Variants in PIK3C2G observed in about 807,000 individuals in gnomAD.
PIK3C2G encodes phosphatidylinositol 3-kinase C2 domain-containing subunit gamma.
Under a neutral mutation model 181.1 loss-of-function variants are expected in PIK3C2G, and 168 were observed. The observed-to-expected ratio is 0.93, with a 90% CI of 0.82 to 1.05. The LOEUF is 1.05. Ranked by LOEUF, PIK3C2G falls within the 50% of genes least tolerant of loss-of-function variation. The probability of loss-of-function intolerance (pLI) is 0.00; values close to 1 mark genes in which losing one functional copy is unlikely to be tolerated. For synonymous variants in PIK3C2G, 573 were observed against 592.2 expected (o/e 0.97, Z 0.47); for missense variants, 1,869 against 1,732.8 (o/e 1.08, Z -1.40).
intron 29 of PIK3C2G, among the ~76,000 whole-genome samples, chr12:18,579,810 G>C (rs1946405296): frequency 6.6e-6 from 1 of 152,008 alleles, no homozygotes; most frequent in South Asian, 2.1e-4. Context: ...TGGTGGAATT[G>C]TGTTGTGGAC....
the PIK3C2G span, among the ~76,000 whole-genome samples, chr12:18,675,859 T>C: frequency 3.4e-5 from 5 of 146,918 alleles, no homozygotes; most frequent in African/African-American, 1.2e-4. Flanking sequence ...CACTAGGGAC[T>C]CAAAAAGGGA....
At chr12:18,552,982 C>G (rs901129715) in intron 26 of PIK3C2G, among the ~76,000 whole-genome samples, 4 of 152,104 alleles carry the variant, frequency 2.6e-5, no homozygotes, top group African/African-American at 4.8e-5. Context: ...ATGTACCCAC[C>G]AAGAGTACCA....
chr12:18,269,332 T>G (rs962482841), intron 1 of PIK3C2G, among the ~76,000 whole-genome samples: 2 of 152,190 alleles, frequency 1.3e-5, no homozygotes, highest in African/African-American at 4.8e-5. Context: ...CCTATAATTT[T>G]TTTTTTGGTG....
the PIK3C2G span, among the ~76,000 whole-genome samples, chr12:18,669,151 A>T: frequency 6.6e-6 from 1 of 152,130 alleles, no homozygotes; most frequent in Non-Finnish European, 1.5e-5. Context: ...TATTTTCTTG[A>T]TTCCTCTGAT....
chr12:18,668,571 TG>T, the PIK3C2G span, among the ~76,000 whole-genome samples: 1 of 152,114 alleles, frequency 6.6e-6, no homozygotes, highest in Non-Finnish European at 1.5e-5. Context: ...TCATGCATGC[TG>T]GACCATCATC....
At chr12:18,423,604 G>GA in intron 17 of PIK3C2G, among the ~76,000 whole-genome samples, 1 of 151,996 alleles carries the variant, frequency 6.6e-6, no homozygotes, top group Non-Finnish European at 1.5e-5. Context: ...CTCCAAATAG[G>GA]AAAAAATATC....
At chr12:18,440,960 G>A (rs536631079) in intron 18 of PIK3C2G, among the ~76,000 whole-genome samples, 2 of 152,166 alleles carry the variant, frequency 1.3e-5, no homozygotes, top group South Asian at 2.1e-4. Context: ...AACAGAGAAG[G>A]TCATAGGAGA....
chr12:18,543,761 G>A (rs571605716), intron 25 of PIK3C2G, among the ~76,000 whole-genome samples: 1 of 151,846 alleles, frequency 6.6e-6, no homozygotes, highest in African/African-American at 2.4e-5. Context: ...GCCTATTTTT[G>A]TACCAGTACC....
At chr12:18,722,818 T>C in the PIK3C2G span, among the ~76,000 whole-genome samples, 3 of 152,072 alleles carry the variant, frequency 2.0e-5, no homozygotes, top group Non-Finnish European at 4.4e-5. Flanking sequence ...ATGTTGTAGA[T>C]AATTATATTT....
intron 10 of PIK3C2G, among the ~76,000 whole-genome samples, chr12:18,343,757 C>G (rs1055842492): frequency 1.3e-5 from 2 of 152,068 alleles, no homozygotes; most frequent in Non-Finnish European, 2.9e-5. Context: ...GCAAGGTCAT[C>G]CACTTCAAAT....
At chr12:18,687,782 G>A in the PIK3C2G span, among the ~76,000 whole-genome samples, 1 of 151,984 alleles carries the variant, frequency 6.6e-6, no homozygotes, top group Admixed American at 6.6e-5. Context: ...AAGTAGATTT[G>A]AGGCTGTTAA....
At chr12:18,268,697 C>T (rs966738832) in intron 1 of PIK3C2G, among the ~76,000 whole-genome samples, 3 of 152,134 alleles carry the variant, frequency 2.0e-5, no homozygotes, top group Non-Finnish European at 4.4e-5. Flanking sequence ...TCAAACAGTG[C>T]GTATTAGCCA....
In PIK3C2G at chr12:18,391,227, C is replaced by A; in HGVS notation, c.2101C>A (p.Leu701Ile). ...LKECIKHIARLSQKQTPLLLS... is the reference protein window; with the variant it reads ...LKECIKHIARISQKQTPLLLS... Reference sequence around the variant, plus strand: ...GGAGTGTATAAAACATATTGCCAGACTTTCACAGAAACAGACTCCCCTACT... The same window carrying A: ...GGAGTGTATAAAACATATTGCCAGAATTTCACAGAAACAGACTCCCCTACT... The change falls in exon 15 of 33, where the codon CTT becomes ATT. Residue 701 changes from leucine (L) to isoleucine (I), a missense_variant. Leu to Ile is a conservative substitution (Grantham distance 5). Coordinates refer to ENST00000538779, the MANE Select transcript of PIK3C2G (RefSeq NM_001288772.2). 3.1e-6 allele frequency: 5 copies of A among 1,596,072 alleles called. No individual in the cohort carries two copies. Among genetic ancestry groups the A allele is most frequent in the Non-Finnish European group, 4.3e-6 (5 of 1,171,532 alleles).
chr12:18,552,778 T>C (rs2136296060), intron 26 of PIK3C2G, among the ~76,000 whole-genome samples: 1 of 152,274 alleles, frequency 6.6e-6, no homozygotes, highest in African/African-American at 2.4e-5. Context: ...TGATGTTTGA[T>C]AGTGTGCTTG....
chr12:18,693,083 G>C, the PIK3C2G span: 3 of 1,507,500 alleles, frequency 2.0e-6, no homozygotes, highest in Non-Finnish European at 2.8e-6. Context: ...TGGATGATCT[G>C]AGGGGGACCC....
intron 15 of PIK3C2G, among the ~76,000 whole-genome samples, chr12:18,394,132 A>C (rs2138073711): frequency 6.6e-6 from 1 of 152,230 alleles, no homozygotes; most frequent in Middle Eastern, 3.4e-3. Context: ...GAATGGAGAA[A>C]GCTCACAGGC....
upstream of PIK3C2G, among the ~76,000 whole-genome samples, chr12:18,257,489 G>A (rs1338047060): frequency 6.6e-6 from 1 of 152,032 alleles, no homozygotes; most frequent in Non-Finnish European, 1.5e-5. Flanking sequence ...CACTATAAAA[G>A]CAATCTCAGA....
chr12:18,253,997 G>C (rs998322106), intron 1 of PIK3C2G, among the ~76,000 whole-genome samples: 4 of 144,332 alleles, frequency 2.8e-5, no homozygotes, highest in African/African-American at 1.0e-4. Flanking sequence ...CTGCTCCAAA[G>C]AGACAAACCT....
intron 26 of PIK3C2G, among the ~76,000 whole-genome samples, chr12:18,553,934 A>G (rs1291231069): frequency 6.6e-6 from 1 of 151,998 alleles, no homozygotes; most frequent in Non-Finnish European, 1.5e-5. Context: ...GACTTTTCCT[A>G]CTTTATCTAA....
Sources: allele counts gnomAD v4.1 joint callset (sites outside exome capture counted in the v4.1 genomes callset), GRCh38; gene constraint gnomAD v4.1.1; transcripts MANE v1.5; gene names NCBI Gene and HGNC (gene_info 2026-07-23, HGNC 2026-07-21).